The following PTPRZ1 variants were observed in gnomAD, a reference collection of about 807,000 sequenced individuals.
The protein encoded by PTPRZ1 is receptor-type tyrosine-protein phosphatase zeta.
In PTPRZ1, 82 loss-of-function variants were observed where a neutral mutation model predicts 214.1. The observed-to-expected ratio is 0.38, with a 90% CI of 0.32 to 0.46. The LOEUF (loss-of-function observed/expected upper bound fraction) is 0.46, where lower values mean the gene tolerates loss of function less well. PTPRZ1 is among the 20% of genes least tolerant of loss of function. The pLI is 1.00. For missense variants in PTPRZ1, 2,603 were observed against 2,748.7 expected (o/e 0.95, Z 1.19); for synonymous variants, 945 against 987.9 (o/e 0.96, Z 0.81).
intron 1 of PTPRZ1, among the ~76,000 whole-genome samples, chr7:121,885,108 C>T (rs1371300577): frequency 1.3e-5 from 2 of 152,188 alleles, no homozygotes; most frequent in Non-Finnish European, 2.9e-5. Flanking sequence ...GGTTCCCCAG[C>T]ATTCCACTTT....
chr7:122,016,858 A>G (rs886746008), intron 12 of PTPRZ1, among the ~76,000 whole-genome samples: 6 of 152,082 alleles, frequency 3.9e-5, no homozygotes, highest in African/African-American at 1.4e-4. Context: ...ACATATATTA[A>G]TCTACATCAC....
Position 122,050,279 on chromosome 7 carries a change from T to C in PTPRZ1, c.6085-1149T>C, listed in dbSNP as rs534128592. ...GTAATATGGTGAAACCCCTTCTCTATAAAAAATACCAAAATTAGCCAGGTG... is the reference window on the plus strand; with the variant it reads ...GTAATATGGTGAAACCCCTTCTCTACAAAAAATACCAAAATTAGCCAGGTG... On this transcript the variant is annotated intron_variant, in intron 23 of 29. Coordinates refer to ENST00000393386, the MANE Select transcript of PTPRZ1 (RefSeq NM_002851.3). Among the ~76,000 whole-genome samples, 10 of 151,116 alleles carry C rather than the reference T, an allele frequency of 6.6e-5. No homozygotes were observed. In the East Asian group the frequency reaches 1.6e-3, roughly 24 times the overall value.
intron 1 of PTPRZ1, among the ~76,000 whole-genome samples, chr7:121,891,506 T>G (rs1160900069): frequency 6.8e-6 from 1 of 147,596 alleles, no homozygotes; most frequent in Non-Finnish European, 1.5e-5. Context: ...TGAATCCTAT[T>G]TTGGCTGATA....
intron 6 of PTPRZ1, among the ~76,000 whole-genome samples, chr7:121,978,708 C>T (rs1409129512): frequency 2.0e-5 from 3 of 152,172 alleles, no homozygotes; most frequent in African/African-American, 7.2e-5. Context: ...CATATCACCA[C>T]TATTTGTGCA....
At chr7:121,969,106 C>T (rs528593873) in intron 3 of PTPRZ1, among the ~76,000 whole-genome samples, 11 of 152,138 alleles carry the variant, frequency 7.2e-5, no homozygotes, top group Admixed American at 5.2e-4. Context: ...GGTGTGGTGG[C>T]ACACTCCTGT....
chr7:122,054,074 C>T lies in PTPRZ1; in HGVS notation c.6381+36C>T. 3 of 1,607,160 alleles carry T rather than the reference C, an allele frequency of 1.9e-6. 1 individual carries two copies. In the African/African-American group the frequency reaches 4.0e-5, roughly 21 times the overall value. ...TAGACCACTTTTGGGACTTCCTTTA[C>T]AGAGGAATATCAGGTTACAAACAGC... On this transcript the variant is annotated intron_variant, in intron 26 of 29. Transcript: ENST00000393386.
chr7:122,061,049 C>A, intron 29 of PTPRZ1, 31 bp from the exon 30 acceptor site: 1 of 1,559,826 alleles, frequency 6.4e-7, no homozygotes, highest in Non-Finnish European at 8.7e-7. Context: ...CTGAGCTTCG[C>A]ATTTATTACC....
chr7:121,934,614 CT>C (rs1796020630), intron 2 of PTPRZ1, among the ~76,000 whole-genome samples: 1 of 151,192 alleles, frequency 6.6e-6, no homozygotes, highest in Non-Finnish European at 1.5e-5. Flanking sequence ...CAGAAAAGCT[CT>C]TTGAGCAAGT....
intron 13 of PTPRZ1, among the ~76,000 whole-genome samples, chr7:122,023,115 A>G (rs941967816): frequency 3.9e-5 from 6 of 152,184 alleles, no homozygotes; most frequent in Non-Finnish European, 7.4e-5. Flanking sequence ...TTCTTAGAAG[A>G]AAATATTTAA....
chr7:121,999,913 A>G (rs976848028), intron 10 of PTPRZ1, among the ~76,000 whole-genome samples: 2 of 152,096 alleles, frequency 1.3e-5, no homozygotes, highest in Non-Finnish European at 2.9e-5. Flanking sequence ...TAAAATTTCT[A>G]TTTATTTAAA....
intron 1 of PTPRZ1, among the ~76,000 whole-genome samples, chr7:121,926,406 T>G (rs1160413346): frequency 6.6e-6 from 1 of 152,024 alleles, no homozygotes; most frequent in Admixed American, 6.6e-5. Flanking sequence ...TAAAGTTTAG[T>G]CAAACCAAGG....
intron 1 of PTPRZ1, among the ~76,000 whole-genome samples, chr7:121,920,093 T>G (rs1244984680): frequency 2.0e-5 from 3 of 152,196 alleles, no homozygotes; most frequent in Admixed American, 6.5e-5. Flanking sequence ...TGTTCCTTTA[T>G]GAACTTGCTT....
chr7:121,960,423 A>G (rs1796839396), intron 2 of PTPRZ1, among the ~76,000 whole-genome samples: 1 of 152,214 alleles, frequency 6.6e-6, no homozygotes, highest in Non-Finnish European at 1.5e-5. Flanking sequence ...ATTTTTTCTT[A>G]ACAATATCTT....
chr7:121,976,425 T>C (rs1216051767), intron 5 of PTPRZ1, among the ~76,000 whole-genome samples, 157 bp downstream of exon 5: 1 of 152,190 alleles, frequency 6.6e-6, no homozygotes, highest in Non-Finnish European at 1.5e-5. Flanking sequence ...TTGCCTGGTA[T>C]TTTTAAAAGG....
At chr7:121,920,757 A>G (rs1459084937) in intron 1 of PTPRZ1, among the ~76,000 whole-genome samples, 1 of 152,158 alleles carries the variant, frequency 6.6e-6, no homozygotes, top group African/African-American at 2.4e-5. Context: ...CCTCATGCAT[A>G]TCGTTTAAGC....
chr7:121,980,392 A>G lies in PTPRZ1; in HGVS notation c.620-3273A>G, dbSNP rs559142837. 2.0e-5 allele frequency among the ~76,000 whole-genome samples: 3 copies of G among 152,336 alleles called. No individual in the cohort carries two copies. In the East Asian group the frequency reaches 5.8e-4, roughly 29 times the overall value. Reference sequence around the variant, plus strand: ...ACATAAATCTAAAAAACATTCACAGATTAAAAAAAAATATTCTTCTTAGTT... The same window carrying G: ...ACATAAATCTAAAAAACATTCACAGGTTAAAAAAAAATATTCTTCTTAGTT... On this transcript the variant is annotated intron_variant, in intron 6 of 29. Transcript: ENST00000393386.
At chr7:121,905,387 T>C (rs988099781) in intron 1 of PTPRZ1, among the ~76,000 whole-genome samples, 1 of 151,752 alleles carries the variant, frequency 6.6e-6, no homozygotes, top group Admixed American at 6.6e-5. Flanking sequence ...ACGAGGAGAG[T>C]CATCAAGGAC....
rs540817327 is a variant in PTPRZ1 at position 121,999,046 on chromosome 7, G to A, written c.1240+1040G>A. Reference sequence around the variant, plus strand: ...CACCTTACCATAGCTGTTCTTACTAGTTGACTTTTTAAGTTAAAGATTATA... The same window carrying A: ...CACCTTACCATAGCTGTTCTTACTAATTGACTTTTTAAGTTAAAGATTATA... On this transcript the variant is annotated intron_variant, in intron 10 of 29. Coordinates refer to ENST00000393386, the MANE Select transcript of PTPRZ1 (RefSeq NM_002851.3). 2.6e-5 allele frequency among the ~76,000 whole-genome samples: 4 copies of A among 152,204 alleles called. No individual in the cohort carries two copies. In the South Asian group the frequency reaches 8.3e-4, roughly 32 times the overall value.
At chr7:121,928,330 C>A in intron 2 of PTPRZ1, 109 bp downstream of exon 2, 1 of 677,680 alleles carries the variant, frequency 1.5e-6, no homozygotes, top group Non-Finnish European at 2.5e-6. Context: ...GTCAACTTAG[C>A]TAAATGGATA....
Sources: gnomAD v4.1 joint callset for allele counts (sites outside exome capture counted in the v4.1 genomes callset) on GRCh38, gnomAD v4.1.1 for gene constraint, MANE v1.5 for transcripts, NCBI Gene and HGNC (gene_info 2026-07-23, HGNC 2026-07-21) for gene names.